VTI1A: variants seen among roughly 807,000 people sequenced by gnomAD.
VTI1A encodes vesicle transport through interaction with t-SNAREs homolog 1A.
VTI1A carries 22 observed loss-of-function variants against 34.9 expected under a neutral mutation model. That is an observed-to-expected ratio of 0.63 (90% confidence interval 0.45 to 0.90). The LOEUF (loss-of-function observed/expected upper bound fraction) is 0.90. Among genes scored for constraint, VTI1A ranks in the 40% least tolerant of loss-of-function variants. The pLI, the probability that VTI1A is intolerant of heterozygous loss-of-function variation, is 0.00. For missense variants in VTI1A, 268 were observed against 275.6 expected, an observed-to-expected ratio of 0.97 and a Z score of 0.20; for synonymous variants, 87 against 97.3, an observed-to-expected ratio of 0.89 and a Z score of 0.62.
chr10:112,527,425 A>G, intron 4 of VTI1A: 1 of 268,766 alleles, frequency 3.7e-6, no homozygotes, highest in Non-Finnish European at 7.0e-6. Flanking sequence ...GTACTTAAGG[A>G]ATAACTTGAA....
At position 112,817,829 on chromosome 10, in the gene VTI1A, T is replaced by C. The variant is rs1853568192; in HGVS notation, c.*2446T>C. 4.3e-6 allele frequency: 1 copy of C among 232,888 alleles called. No individual in the cohort carries two copies. Among genetic ancestry groups the C allele is most frequent in the East Asian group, 6.1e-5 (1 of 16,518 alleles). The allele number at this position is 232,888 out of a possible 1,614,324, so 14.4% of individuals were successfully genotyped here. A position where few individuals can be genotyped will look rare whatever the true frequency, so the allele number is the denominator to read the frequency against. On this transcript the variant is annotated 3_prime_UTR_variant, in exon 8 of 8. Coordinates refer to ENST00000393077, the MANE Select transcript of VTI1A (RefSeq NM_145206.4). ...ATATTTCTCAAGTTGGGAGCCCTTGTTAAAAATGATGTTTAAGGGAGTGGT... is the reference window on the plus strand; with the variant it reads ...ATATTTCTCAAGTTGGGAGCCCTTGCTAAAAATGATGTTTAAGGGAGTGGT...
intron 7 of VTI1A, among the ~76,000 whole-genome samples, chr10:112,691,476 G>A (rs1395540652): frequency 1.2e-4 from 18 of 152,004 alleles, no homozygotes; most frequent in Non-Finnish European, 2.9e-5. Context: ...AGATATGACT[G>A]TAGCAAATTT....
chr10:112,750,666 A>G (rs932213283), intron 7 of VTI1A, among the ~76,000 whole-genome samples: 4 of 152,212 alleles, frequency 2.6e-5, no homozygotes, highest in African/African-American at 4.8e-5. Context: ...AGAGAATTCT[A>G]TCTTGGAAAG....
At chr10:112,610,779 C>T (rs1253182611) in intron 5 of VTI1A, among the ~76,000 whole-genome samples, 3 of 152,150 alleles carry the variant, frequency 2.0e-5, no homozygotes, top group African/African-American at 7.2e-5. Flanking sequence ...ACTAGCCAGG[C>T]GCGGTGGCGG....
At chr10:112,479,210 C>T (rs142660060) in intron 3 of VTI1A, among the ~76,000 whole-genome samples, 109 of 152,190 alleles carry the variant, frequency 7.2e-4, no homozygotes, top group African/African-American at 2.4e-3. Flanking sequence ...TTTACTAGGC[C>T]GGACACTGGC....
intron 4 of VTI1A, among the ~76,000 whole-genome samples, chr10:112,535,957 A>AT (rs1850601788): frequency 6.6e-6 from 1 of 152,182 alleles, no homozygotes; most frequent in South Asian, 2.1e-4. Context: ...TTGTGTGCAG[A>AT]TTTACTCTGA....
At chr10:112,748,462 G>A (rs1437361231) in intron 7 of VTI1A, among the ~76,000 whole-genome samples, 1 of 152,054 alleles carries the variant, frequency 6.6e-6, no homozygotes, top group Non-Finnish European at 1.5e-5. Flanking sequence ...GTTTTCTCCA[G>A]ATTTATATTC....
At chr10:112,739,530 T>C (rs563711596) in intron 7 of VTI1A, among the ~76,000 whole-genome samples, 1 of 152,358 alleles carries the variant, frequency 6.6e-6, no homozygotes, top group South Asian at 2.1e-4. Context: ...AGATGAAATA[T>C]GGTTTTCCGA....
At chr10:112,808,534 A>G (rs955609111) in intron 7 of VTI1A, among the ~76,000 whole-genome samples, 22 of 150,880 alleles carry the variant, frequency 1.5e-4, no homozygotes, top group African/African-American at 5.4e-4. Context: ...CTGAGGCAGG[A>G]GAATCACTTG....
At chr10:112,462,225 T>C (rs1350736794) in intron 2 of VTI1A, among the ~76,000 whole-genome samples, 1 of 152,246 alleles carries the variant, frequency 6.6e-6, no homozygotes, top group Non-Finnish European at 1.5e-5. Flanking sequence ...GTGTTTCTGC[T>C]GACCATCTGA....
At chr10:112,590,995 G>A (rs113097915) in intron 5 of VTI1A, among the ~76,000 whole-genome samples, 15,949 of 152,196 alleles carry the variant, frequency 0.1, 929 homozygotes, top group African/African-American at 0.13. Context: ...CAGCTACTCC[G>A]GAGGCTTAGG....
chr10:112,653,486 A>T (rs1191535591), intron 5 of VTI1A, among the ~76,000 whole-genome samples: 1 of 152,204 alleles, frequency 6.6e-6, no homozygotes, highest in Non-Finnish European at 1.5e-5. Context: ...TGGCCATGTA[A>T]TCAGCTTAGG....
At chr10:112,537,311 G>GTATATCTATATATATATATATATA (rs1850673012) in intron 4 of VTI1A, among the ~76,000 whole-genome samples, 1 of 65,222 alleles carries the variant, frequency 1.5e-5, no homozygotes, top group African/African-American at 4.5e-5. Context: ...AAGTATCTAG[G>GTATATCTATATATATATATATATA]TATATATATA....
At chr10:112,669,625 G>A (rs753279191) in intron 7 of VTI1A, among the ~76,000 whole-genome samples, 31 of 152,062 alleles carry the variant, frequency 2.0e-4, no homozygotes, top group Non-Finnish European at 3.7e-4. Context: ...CATTCAGCAC[G>A]AAATTATTTC....
At chr10:112,657,385 C>G (rs1847269416) in intron 5 of VTI1A, among the ~76,000 whole-genome samples, 1 of 152,026 alleles carries the variant, frequency 6.6e-6, no homozygotes, top group Non-Finnish European at 1.5e-5. Flanking sequence ...TCAGAAGAGT[C>G]AAGATATATA....
chr10:112,609,427 A>T (rs560223506), intron 5 of VTI1A, among the ~76,000 whole-genome samples: 24 of 152,314 alleles, frequency 1.6e-4, no homozygotes, highest in African/African-American at 5.5e-4. Context: ...GATGAAGAGG[A>T]TGGGGGAATA....
intron 7 of VTI1A, among the ~76,000 whole-genome samples, chr10:112,710,114 A>G (rs1849357782): frequency 6.6e-6 from 1 of 150,826 alleles, no homozygotes; most frequent in African/African-American, 2.4e-5. Flanking sequence ...CACTCAGCAC[A>G]GTTGCATTCA....
intron 5 of VTI1A, among the ~76,000 whole-genome samples, chr10:112,544,616 C>A (rs1310656793): frequency 6.6e-6 from 1 of 151,704 alleles, no homozygotes; most frequent in Non-Finnish European, 1.5e-5. Context: ...ACCCTGTCCC[C>A]CGCCTCCAGA....
At chr10:112,495,282 GAGA>G (rs996638354) in intron 3 of VTI1A, among the ~76,000 whole-genome samples, 72 of 146,292 alleles carry the variant, frequency 4.9e-4, no homozygotes, top group African/African-American at 1.7e-3. Flanking sequence ...ATAGAAAAGT[GAGA>G]AGAAGTGTAC....
Sources: allele counts gnomAD v4.1 joint callset (sites outside exome capture counted in the v4.1 genomes callset), GRCh38; gene constraint gnomAD v4.1.1; transcripts MANE v1.5; gene names NCBI Gene and HGNC (gene_info 2026-07-23, HGNC 2026-07-21).